Variants in CATSPERE observed in about 807,000 individuals in gnomAD.
The protein encoded by CATSPERE is cation channel sperm-associated auxiliary subunit epsilon.
A neutral mutation model predicts 114.1 loss-of-function variants in CATSPERE; 93 were observed. The ratio of observed to expected loss-of-function variants is 0.81; its 90% CI spans 0.69 to 0.97. The LOEUF (loss-of-function observed/expected upper bound fraction) is 0.97, where lower values mean the gene tolerates loss of function less well. Among genes scored for constraint, CATSPERE ranks in the 50% least tolerant of loss-of-function variants. The pLI, the probability that CATSPERE is intolerant of heterozygous loss-of-function variation, is 0.00. For missense variants in CATSPERE, 1,058 were observed against 1,131.6 expected (o/e 0.93, Z 0.93); for synonymous variants, 341 against 384.1 (o/e 0.89, Z 1.31).
At chr1:244,480,427 A>C (rs1670077734) in intron 5 of CATSPERE, among the ~76,000 whole-genome samples, 1 of 152,196 alleles carries the variant, frequency 6.6e-6, no homozygotes, top group Admixed American at 6.5e-5. Flanking sequence ...ATGCCTGGAA[A>C]ATACTTATTT....
chr1:244,478,856 C>T (rs541865413), intron 4 of CATSPERE, among the ~76,000 whole-genome samples: 33 of 151,638 alleles, frequency 2.2e-4, no homozygotes, highest in Non-Finnish European at 3.7e-4. Flanking sequence ...AGTGAAACCC[C>T]GTCTCTGCTA....
chr1:244,580,374 T>C (rs570699608), intron 11 of CATSPERE, among the ~76,000 whole-genome samples: 2 of 152,202 alleles, frequency 1.3e-5, no homozygotes, highest in African/African-American at 4.8e-5. Context: ...GAATTGAGGC[T>C]CAATGAAGTA....
chr1:244,484,207 A>T (rs2148183959), intron 5 of CATSPERE, among the ~76,000 whole-genome samples: 1 of 152,256 alleles, frequency 6.6e-6, no homozygotes, highest in South Asian at 2.1e-4. Flanking sequence ...TGTATTTTTT[A>T]AATCTTAACA....
chr1:244,525,541 C>T (rs372384948), intron 8 of CATSPERE, among the ~76,000 whole-genome samples: 7 of 151,726 alleles, frequency 4.6e-5, no homozygotes, highest in South Asian at 2.1e-4. Flanking sequence ...GGTGAGGATA[C>T]GCAACAATGA....
At chr1:244,581,503 G>C (rs1275345138) in intron 11 of CATSPERE, among the ~76,000 whole-genome samples, 1 of 152,086 alleles carries the variant, frequency 6.6e-6, no homozygotes, top group Non-Finnish European at 1.5e-5. Flanking sequence ...TTTTATTATG[G>C]AAAATGTCAA....
At chr1:244,533,359 GTTA>G (rs1201665555) in intron 8 of CATSPERE, among the ~76,000 whole-genome samples, 2 of 152,054 alleles carry the variant, frequency 1.3e-5, no homozygotes, top group African/African-American at 4.8e-5. Context: ...TACATCCAGT[GTTA>G]TTATTGATAA....
At chr1:244,586,068 C>T (rs768892217) in intron 13 of CATSPERE, among the ~76,000 whole-genome samples, 10 of 152,166 alleles carry the variant, frequency 6.6e-5, no homozygotes, top group Non-Finnish European at 1.2e-4. Context: ...AGGAGCTGTC[C>T]GGCTCCGTCT....
intron 10 of CATSPERE, among the ~76,000 whole-genome samples, chr1:244,562,632 A>G (rs1662749187): frequency 6.6e-6 from 1 of 152,182 alleles, no homozygotes; most frequent in South Asian, 2.1e-4. Context: ...TTTATTGCAC[A>G]TATCTTTTAT....
intron 20 of CATSPERE, among the ~76,000 whole-genome samples, chr1:244,635,250 C>T (rs1674487027): frequency 6.6e-6 from 1 of 152,156 alleles, no homozygotes; most frequent in African/African-American, 2.4e-5. Context: ...GAACCACTAT[C>T]AAAATGATGT....
chr1:244,570,328 G>T (rs1379609889), intron 10 of CATSPERE, among the ~76,000 whole-genome samples: 2 of 151,970 alleles, frequency 1.3e-5, no homozygotes, highest in African/African-American at 2.4e-5. Context: ...AGTTTGGCTT[G>T]CAAGAGATTG....
intron 15 of CATSPERE, among the ~76,000 whole-genome samples, chr1:244,592,768 T>G (rs1353003858): frequency 6.6e-6 from 1 of 152,170 alleles, no homozygotes; most frequent in Non-Finnish European, 1.5e-5. Flanking sequence ...CAGCTGCACC[T>G]GAAAGGCAAG....
Position 244,602,260 on chromosome 1 carries a change from A to G in CATSPERE, c.2304-3435A>G, listed in dbSNP as rs577818535. ...ACTAGAGGTCAACGACAGAGGGACA[A>G]ATGGGTAAGGTCCATTGTCCAGTTC... On this transcript the variant is annotated intron_variant, in intron 17 of 21. Coordinates refer to ENST00000366534, the MANE Select transcript of CATSPERE (RefSeq NM_001130957.2). 4.6e-5 allele frequency among the ~76,000 whole-genome samples: 7 copies of G among 152,358 alleles called. 1 individual carries two copies. In the South Asian group the frequency reaches 1.5e-3, roughly 32 times the overall value.
chr1:244,604,761 CACG>C (rs1264506215), intron 17 of CATSPERE, among the ~76,000 whole-genome samples: 1 of 152,232 alleles, frequency 6.6e-6, no homozygotes, highest in Non-Finnish European at 1.5e-5. Context: ...TGTGCAAAGG[CACG>C]ACTTTATCAA....
rs553103456 is a variant in CATSPERE at position 244,538,568 on chromosome 1, G to A, written c.537-13754G>A. On this transcript the variant is annotated intron_variant, in intron 8 of 21. Transcript: ENST00000366534. ...CCAATATCCAAGAACTCAGAAGTGAGGCTGAAACACCCCATTGGACTGCAG... is the reference window on the plus strand; with the variant it reads ...CCAATATCCAAGAACTCAGAAGTGAAGCTGAAACACCCCATTGGACTGCAG... Among the ~76,000 whole-genome samples the A allele has an allele frequency of 2.6e-5, 4 of 152,254 alleles. No individual in the cohort carries two copies. The East Asian group carries it at 7.7e-4, about 29-fold the overall frequency.
intron 5 of CATSPERE, among the ~76,000 whole-genome samples, chr1:244,486,304 A>G (rs987981738): frequency 2.0e-5 from 3 of 151,382 alleles, no homozygotes; most frequent in African/African-American, 7.3e-5. Flanking sequence ...TGGGTGGTTC[A>G]GCATGTGGGG....
chr1:244,518,437 G>A lies in CATSPERE; in HGVS notation c.430-155G>A, dbSNP rs557548542. Reference sequence around the variant, plus strand: ...AGTTCGCATGGGGAGGAGGCTATAAGGTAGAAAGAACAAAGCTGAATCTTG... The same window carrying A: ...AGTTCGCATGGGGAGGAGGCTATAAAGTAGAAAGAACAAAGCTGAATCTTG... On this transcript the variant is annotated intron_variant, in intron 7 of 21. Coordinates refer to ENST00000366534, the MANE Select transcript of CATSPERE (RefSeq NM_001130957.2). Among the ~76,000 whole-genome samples the A allele has an allele frequency of 5.3e-5, 8 of 152,258 alleles. 1 individual carries two copies. In the South Asian group the frequency reaches 1.4e-3, roughly 28 times the overall value.
At chr1:244,453,255 T>C (rs147112895), upstream of CATSPERE, among the ~76,000 whole-genome samples, 582 of 152,376 alleles carry the variant, frequency 3.8e-3, 6 homozygotes, top group African/African-American at 0.013. Flanking sequence ...TGCCATCTAT[T>C]TCTTTCTAGT....
At position 244,499,081 on chromosome 1, in the gene CATSPERE, T is replaced by G. The variant is rs766153029; in HGVS notation, c.429+2T>G. ...GGGAATGCAGAAGAACCTTCAATAG[T>G]AGGTGGAAACATTAGTATCGTCATA... On this transcript the variant is annotated splice_donor_variant, in intron 7 of 21. Coordinates refer to ENST00000366534, the MANE Select transcript of CATSPERE (RefSeq NM_001130957.2). LOFTEE classifies it high-confidence loss of function. 2 of 1,601,506 alleles carry G rather than the reference T, an allele frequency of 1.2e-6. No individual in the cohort carries two copies. Among genetic ancestry groups the G allele is most frequent in the South Asian group, 2.2e-5 (2 of 90,740 alleles).
intron 10 of CATSPERE, among the ~76,000 whole-genome samples, chr1:244,565,170 T>C (rs566107387): frequency 6.6e-6 from 1 of 152,356 alleles, no homozygotes; most frequent in East Asian, 1.9e-4. Flanking sequence ...CTGAGGATTT[T>C]TGCAACGATG....
Sources: allele counts gnomAD v4.1 joint callset (sites outside exome capture counted in the v4.1 genomes callset), GRCh38; gene constraint gnomAD v4.1.1; transcripts MANE v1.5; gene names NCBI Gene and HGNC (gene_info 2026-07-23, HGNC 2026-07-21).